Variants in HCN1 observed in about 807,000 individuals in gnomAD.
The protein encoded by HCN1 is potassium/sodium hyperpolarization-activated cyclic nucleotide-gated channel 1.
A neutral mutation model predicts 78.9 loss-of-function variants in HCN1; 13 were observed. That is an observed-to-expected ratio of 0.16 (90% CI 0.11 to 0.26). The LOEUF is 0.26. HCN1 is among the 10% of genes least tolerant of loss of function. The pLI, the probability that HCN1 is intolerant of heterozygous loss-of-function variation, is 1.00. For synonymous variants in HCN1, 552 were observed against 455.5 expected (o/e 1.21, Z -2.70); for missense variants, 810 against 1,154.3 (o/e 0.70, Z 4.32).
chr5:45,504,032 C>T (rs1046902651), intron 2 of HCN1, among the ~76,000 whole-genome samples: 3 of 152,072 alleles, frequency 2.0e-5, no homozygotes, highest in African/African-American at 7.2e-5. Context: ...GTGATCCACC[C>T]ACCCAGCCTC....
chr5:45,336,137 C>T (rs909231993), intron 5 of HCN1, among the ~76,000 whole-genome samples: 1 of 151,908 alleles, frequency 6.6e-6, no homozygotes, highest in Non-Finnish European at 1.5e-5. Flanking sequence ...AGGAGGAGGG[C>T]TCTCCAGGGA....
At position 45,696,036 on chromosome 5, in the gene HCN1, C is replaced by A; in HGVS notation, c.58G>T (p.Val20Phe). 2 of 1,347,308 alleles carry A rather than the reference C, an allele frequency of 1.5e-6. No homozygotes were observed. The highest frequency in any genetic ancestry group is 1.9e-6 in the Non-Finnish European group (2 of 1,039,886). The allele number at this position is 1,347,308 out of a possible 1,614,324, so 83.5% of individuals were successfully genotyped here. ...SSNSRDDGNS[V>F]FPAKASATGA... ...GTCGCGGACGCCTTGGCGGGGAAGA[C>A]GCTGTTGCCATCGTCCCGGCTGTTA... Residue 20 changes from valine (V) to phenylalanine (F), a missense_variant, in exon 1 of 8, where the codon GTC becomes TTC. Coordinates refer to ENST00000303230, the MANE Select transcript of HCN1 (RefSeq NM_021072.4).
intron 5 of HCN1, among the ~76,000 whole-genome samples, chr5:45,323,378 T>C (rs1194315514): frequency 1.3e-5 from 2 of 151,872 alleles, no homozygotes; most frequent in Admixed American, 6.6e-5. Context: ...TACTAGACAA[T>C]TTAAATTATA....
chr5:45,571,160 C>A (rs541456361), intron 2 of HCN1, among the ~76,000 whole-genome samples: 1 of 152,066 alleles, frequency 6.6e-6, no homozygotes, highest in African/African-American at 2.4e-5. Flanking sequence ...CATTATGGTC[C>A]CTTCCTCTTT....
At chr5:45,464,346 T>C (rs1367570455) in intron 2 of HCN1, among the ~76,000 whole-genome samples, 1 of 152,114 alleles carries the variant, frequency 6.6e-6, no homozygotes, top group Non-Finnish European at 1.5e-5. Flanking sequence ...GATTCAAGCC[T>C]ATCTGCTACC....
chr5:45,398,523 A>G (rs78468895), intron 3 of HCN1, among the ~76,000 whole-genome samples: 14,638 of 152,238 alleles, frequency 0.096, 964 homozygotes, highest in Middle Eastern at 0.17. Context: ...GTCAAGACAC[A>G]GAATAATTCC....
chr5:45,453,890 G>C (rs910921546), intron 3 of HCN1, among the ~76,000 whole-genome samples: 3 of 152,100 alleles, frequency 2.0e-5, no homozygotes, highest in Admixed American at 6.6e-5. Flanking sequence ...GGAAATATTA[G>C]ACAGCAAAAT....
chr5:45,568,529 A>C (rs1394669785), intron 2 of HCN1, among the ~76,000 whole-genome samples: 1 of 152,188 alleles, frequency 6.6e-6, no homozygotes, highest in African/African-American at 2.4e-5. Flanking sequence ...TGTGAAAATT[A>C]AATTATTTAA....
At chr5:45,430,414 T>G (rs1740438161) in intron 3 of HCN1, among the ~76,000 whole-genome samples, 1 of 136,652 alleles carries the variant, frequency 7.3e-6, no homozygotes, top group Non-Finnish European at 1.6e-5. Flanking sequence ...AGATAGGTAG[T>G]TTTTTTTTTT....
rs1022277196 is a variant in HCN1, at chr5:45,571,218, T to A, written c.849+73967A>T. Reference sequence around the variant, plus strand: ...ATGACTTCATTGGTGTGTCCACTAGTACCCATGTGATTCACGTAAATCCAG... The same window carrying A: ...ATGACTTCATTGGTGTGTCCACTAGAACCCATGTGATTCACGTAAATCCAG... On this transcript the variant is annotated intron_variant, in intron 2 of 7. Transcript: ENST00000303230. 2.0e-5 allele frequency among the ~76,000 whole-genome samples: 3 copies of A among 152,166 alleles called. No homozygotes were observed. In the East Asian group the frequency reaches 5.8e-4, roughly 29 times the overall value.
chr5:45,260,870 A>G lies in HCN1; in HGVS notation c.*1051T>C, dbSNP rs959496967. 1 of 152,642 alleles carries G rather than the reference A, an allele frequency of 6.6e-6. No homozygotes were observed. The highest frequency in any genetic ancestry group is 2.4e-5 in the African/African-American group (1 of 41,466). The allele number at this position is 152,642 out of a possible 1,614,324, so 9.5% of individuals were successfully genotyped here. The stretch of plus-strand genomic sequence containing the variant: ...CGAGAAATACTGTAAGCCTTTCTCT[A>G]CAATGACTGATTTGAACCTATTTTT... On this transcript the variant is annotated 3_prime_UTR_variant, in exon 8 of 8. Transcript: ENST00000303230.
rs114840548 is a variant in HCN1 at position 45,330,720 on chromosome 5, A to T, written c.1377+22380T>A. ...TTCTTATTACTCAATACAATGTTTT[A>T]TAGATTGTTTCATAAGTATCAAATA... On this transcript the variant is annotated intron_variant, in intron 5 of 7. Coordinates refer to ENST00000303230, the MANE Select transcript of HCN1 (RefSeq NM_021072.4). Among the ~76,000 whole-genome samples, 1,058 of 151,126 alleles carry T rather than the reference A, an allele frequency of 7.0e-3. 15 individuals are homozygous for T. The highest frequency in any genetic ancestry group is 0.024 in the African/African-American group (1,006 of 41,424).
At chr5:45,606,404 A>T (rs1744728015) in intron 2 of HCN1, among the ~76,000 whole-genome samples, 2 of 152,028 alleles carry the variant, frequency 1.3e-5, no homozygotes, top group African/African-American at 4.8e-5. Flanking sequence ...ATGATTTCAC[A>T]ATGGTAAACT....
intron 5 of HCN1, among the ~76,000 whole-genome samples, chr5:45,304,119 C>T (rs374837728): frequency 6.6e-6 from 1 of 151,990 alleles, no homozygotes; most frequent in Non-Finnish European, 1.5e-5. Flanking sequence ...TTTAACTTCC[C>T]ATTTCTTTAC....
chr5:45,310,858 T>C (rs1038283697), intron 5 of HCN1, among the ~76,000 whole-genome samples: 16 of 152,164 alleles, frequency 1.1e-4, no homozygotes, highest in African/African-American at 3.9e-4. Flanking sequence ...ATCATGTCTT[T>C]TGCAGGGACA....
chr5:45,647,747 C>T (rs1378152725), intron 1 of HCN1, among the ~76,000 whole-genome samples: 1 of 152,076 alleles, frequency 6.6e-6, no homozygotes, highest in Non-Finnish European at 1.5e-5. Context: ...CCTCACATAT[C>T]CCCTATCTCA....
intron 2 of HCN1, among the ~76,000 whole-genome samples, chr5:45,498,501 A>G (rs1000979832): frequency 5.9e-5 from 9 of 152,026 alleles, no homozygotes; most frequent in Admixed American, 5.2e-4. Flanking sequence ...CTTTTTTCAA[A>G]GTTTTCAACT....
intron 2 of HCN1, among the ~76,000 whole-genome samples, chr5:45,473,013 G>C (rs933046045): frequency 6.6e-6 from 1 of 151,678 alleles, no homozygotes; most frequent in South Asian, 2.1e-4. Context: ...TTTAATTGTT[G>C]AAAATGCCTA....
intron 2 of HCN1, among the ~76,000 whole-genome samples, chr5:45,563,741 A>ACC (rs1743651789): frequency 7.2e-6 from 1 of 139,858 alleles, no homozygotes; most frequent in Non-Finnish European, 1.6e-5. Flanking sequence ...GCAATTATTT[A>ACC]ATGAATAGTC....
Sources: allele counts gnomAD v4.1 joint callset (sites outside exome capture counted in the v4.1 genomes callset), GRCh38; gene constraint gnomAD v4.1.1; transcripts MANE v1.5; gene names NCBI Gene and HGNC (gene_info 2026-07-23, HGNC 2026-07-21).